Variants in CYP2R1 observed in about 807,000 individuals in gnomAD.
The protein encoded by CYP2R1 is cytochrome P450 family 2 subfamily R member 1, also known as vitamin D 25-hydroxylase.
Under a neutral mutation model 45.7 loss-of-function variants are expected in CYP2R1, and 40 were observed. The observed-to-expected ratio is 0.87, with a 90% CI of 0.68 to 1.14. The LOEUF is 1.14. Among genes scored for constraint, CYP2R1 ranks in the 50% most tolerant of loss-of-function variants. The pLI is 0.00. For missense variants in CYP2R1, 605 were observed against 602.6 expected, an observed-to-expected ratio of 1.00 and a Z score of -0.04; for synonymous variants, 234 against 219.3, an observed-to-expected ratio of 1.07 and a Z score of -0.59.
intron 4 of CYP2R1, 145 bp downstream of exon 4, chr11:14,878,969 T>A: frequency 1.4e-6 from 1 of 699,166 alleles, no homozygotes; most frequent in Non-Finnish European, 2.4e-6. Flanking sequence ...TCCAATTTAA[T>A]CATTCTCTCC....
chr11:14,880,031 C>A (rs562408967), intron 3 of CYP2R1, 105 bp downstream of exon 3: 122 of 1,114,810 alleles, frequency 1.1e-4, no homozygotes, highest in Non-Finnish European at 1.6e-4. Flanking sequence ...TGGCTGGCAT[C>A]GCAGGAGTTC....
intron 1 of CYP2R1, chr11:14,891,375 T>A: frequency 1.0e-6 from 1 of 985,684 alleles, no homozygotes; most frequent in Non-Finnish European, 1.2e-6. Flanking sequence ...ATCTGCGCTG[T>A]AGGACCCCCG....
chr11:14,879,174 G>A lies in CYP2R1; in HGVS notation c.1270C>T (p.Arg424Ter), dbSNP rs199883994. The change falls in exon 4 of 5, where the codon CGA becomes TGA. Residue 424 changes from arginine to a stop codon, truncating the protein, a stop_gained. Coordinates refer to ENST00000334636, the MANE Select transcript of CYP2R1 (RefSeq NM_024514.5). LOFTEE classifies it high-confidence loss of function. ...AAATATCCACTGCTGTCCAGAAATC[G>A]CTCAGGATGGAACACTTCTGGGTCT... ...WRDPEVFHPE[R>*]FLDSSGYFAK... is the part of the protein sequence containing the mutation. The A allele has an allele frequency of 7.4e-6, 12 of 1,613,146 alleles. No homozygotes were observed. The African/African-American group carries it at 1.5e-4, about 20-fold the overall frequency.
intron 1 of CYP2R1, 159 bp from the exon 2 acceptor site, chr11:14,886,076 C>A: frequency 1.4e-6 from 1 of 697,528 alleles, no homozygotes. Flanking sequence ...GAGTGCCCTC[C>A]TTCTATAAGG....
chr11:14,886,014 TTTG>T, intron 1 of CYP2R1, 97 bp from the exon 2 acceptor site: 3 of 1,208,744 alleles, frequency 2.5e-6, no homozygotes, highest in Non-Finnish European at 3.6e-6. Context: ...TCTTCCAGGA[TTTG>T]TTACGTCCCT....
At chr11:14,891,425 T>C in intron 1 of CYP2R1, 2 of 985,830 alleles carry the variant, frequency 2.0e-6, no homozygotes, top group Non-Finnish European at 1.2e-6. Context: ...GCGTTCACAA[T>C]CGTTTCCCAG....
intron 1 of CYP2R1, chr11:14,891,282 G>C: frequency 3.0e-6 from 3 of 985,350 alleles, no homozygotes; most frequent in Non-Finnish European, 3.6e-6. Flanking sequence ...GAGTCACCAA[G>C]TTGGCAGTGA....
chr11:14,890,011 C>T (rs1848770882), intron 1 of CYP2R1, among the ~76,000 whole-genome samples: 1 of 152,018 alleles, frequency 6.6e-6, no homozygotes, highest in African/African-American at 2.4e-5. Context: ...CACCTGTGGT[C>T]CCAGCTACTC....
Position 14,880,479 on chromosome 11 carries a change from T to C in CYP2R1, c.657A>G (p.Glu219=). 1 of 1,613,512 alleles carries C rather than the reference T, an allele frequency of 6.2e-7. No individual in the cohort carries two copies. Among genetic ancestry groups the C allele is most frequent in the East Asian group, 2.2e-5 (1 of 44,878 alleles). ...AGAAGACTGAGGCACTGGCAGCTAG[T>C]TCCACATTTTCACTAAATAACTCAA... The part of the protein sequence containing the change: ...HMIELFSENV[E]LAASASVFLY... Residue 219 remains glutamate (E), a synonymous_variant, in exon 3 of 5, where the codon GAA becomes GAG. Transcript: ENST00000334636.
At chr11:14,889,164 G>GTTTTTTTT (rs11410959) in intron 1 of CYP2R1, among the ~76,000 whole-genome samples, 1 of 140,178 alleles carries the variant, frequency 7.1e-6, no homozygotes, top group Non-Finnish European at 1.5e-5. Context: ...AAGTCCAGTT[G>GTTTTTTTT]TTTTTTTTTT....
chr11:14,878,471 G>A (rs1848242331), intron 4 of CYP2R1, among the ~76,000 whole-genome samples, 174 bp from the exon 5 acceptor site: 1 of 152,070 alleles, frequency 6.6e-6, no homozygotes, highest in Non-Finnish European at 1.5e-5. Flanking sequence ...ACTTCAGCAA[G>A]CAGAACCCAT....
chr11:14,887,162 C>T (rs1420463781), intron 1 of CYP2R1: 1 of 152,138 alleles, frequency 6.6e-6, no homozygotes, highest in Non-Finnish European at 1.5e-5. Flanking sequence ...TTAGCAGAGA[C>T]AATAAAAAGA....
chr11:14,891,935 G>A (rs371562256), intron 1 of CYP2R1, 46 bp downstream of exon 1: 9 of 1,596,106 alleles, frequency 5.6e-6, no homozygotes, highest in Non-Finnish European at 6.8e-6. Context: ...GGCCAGCCCG[G>A]GCCAGCCTGG....
chr11:14,883,823 C>CA (rs1183625847), intron 2 of CYP2R1, among the ~76,000 whole-genome samples: 1 of 151,894 alleles, frequency 6.6e-6, no homozygotes, highest in Non-Finnish European at 1.5e-5. Flanking sequence ...ACAATGAACT[C>CA]AAACAAATTT....
chr11:14,891,014 A>C (rs1848831144), intron 1 of CYP2R1: 1 of 985,318 alleles, frequency 1.0e-6, no homozygotes, highest in South Asian at 4.7e-5. Context: ...CAACTCCTTA[A>C]AAGGCTGTAT....
Position 14,877,712 on chromosome 11 carries a change from G to C in CYP2R1, c.*410C>G, listed in dbSNP as rs144390063. 2 of 167,730 alleles carry C rather than the reference G, an allele frequency of 1.2e-5. No individual in the cohort carries two copies. Among genetic ancestry groups the C allele is most frequent in the South Asian group, 1.7e-4 (1 of 5,934 alleles). The allele number at this position is 167,730 out of a possible 1,614,324, so 10.4% of individuals were successfully genotyped here. ...TGTAGTCCTCTATTAAACTGGACTG[G>C]TACCACACAGTTTATTAATGACAAT... On this transcript the variant is annotated 3_prime_UTR_variant, in exon 5 of 5. Coordinates refer to ENST00000334636, the MANE Select transcript of CYP2R1 (RefSeq NM_024514.5).
upstream of CYP2R1, chr11:14,892,374 T>A (rs1848897344): frequency 1.5e-6 from 1 of 660,734 alleles, no homozygotes; most frequent in African/African-American, 1.8e-5. Flanking sequence ...CCTTCTAGTT[T>A]TGCGCGGCTG....
At chr11:14,888,430 T>C (rs1848701613) in intron 1 of CYP2R1, among the ~76,000 whole-genome samples, 1 of 152,190 alleles carries the variant, frequency 6.6e-6, no homozygotes, top group Non-Finnish European at 1.5e-5. Flanking sequence ...ATGTGCAAAG[T>C]GCTGTTGATG....
At chr11:14,883,539 T>C (rs1848476979) in intron 2 of CYP2R1, among the ~76,000 whole-genome samples, 1 of 151,528 alleles carries the variant, frequency 6.6e-6, no homozygotes, top group African/African-American at 2.4e-5. Context: ...TAATTCAAGA[T>C]GGATTAAAGA....
Sources: gnomAD v4.1 joint callset for allele counts (sites outside exome capture counted in the v4.1 genomes callset) on GRCh38, gnomAD v4.1.1 for gene constraint, MANE v1.5 for transcripts, NCBI Gene and HGNC (gene_info 2026-07-23, HGNC 2026-07-21) for gene names.